PSD4: variants seen among roughly 807,000 people sequenced by gnomAD.
PSD4 encodes pleckstrin and Sec7 domain containing 4, also known as PH and SEC7 domain-containing protein 4.
A neutral mutation model predicts 112.5 loss-of-function variants in PSD4; 59 were observed. The observed-to-expected ratio is 0.52, with a 90% confidence interval of 0.43 to 0.65. The LOEUF (loss-of-function observed/expected upper bound fraction) is 0.65. Among genes scored for constraint, PSD4 ranks in the 30% least tolerant of loss-of-function variants. The pLI is 0.00. For synonymous variants in PSD4, 533 were observed against 540.0 expected (o/e 0.99, Z 0.18); for missense variants, 1,267 against 1,352.6 (o/e 0.94, Z 0.99).
At chr2:113,177,767 C>T (rs954750217) in intron 1 of PSD4, among the ~76,000 whole-genome samples, 13 of 152,078 alleles carry the variant, frequency 8.5e-5, no homozygotes, top group South Asian at 4.1e-4. Flanking sequence ...GACACAGTGG[C>T]GAACAGGAAA....
intron 1 of PSD4, among the ~76,000 whole-genome samples, chr2:113,178,380 G>A (rs1688033407): frequency 6.6e-6 from 1 of 151,534 alleles, no homozygotes; most frequent in African/African-American, 2.4e-5. Context: ...CCAGAGATCT[G>A]CTCTCTTCTC....
At position 113,206,770 on chromosome 2, in the gene PSD4, CCTT is replaced by C. The variant is rs900784315; in HGVS notation, c.*5356_*5358del. On this transcript the variant is annotated 3_prime_UTR_variant, in exon 17 of 17. Transcript: ENST00000245796. ...CTTACCCCACGTCTGCTCCCCTCCT[CCTT>C]TGGGCTCTGGCTTAGGCTCTGCCCT... is the stretch of plus-strand genomic sequence containing the variant. 2.0e-4 allele frequency: 30 copies of C among 152,280 alleles called. No individual in the cohort carries two copies. The highest frequency in any genetic ancestry group is 6.5e-4 in the African/African-American group (27 of 41,430). The allele number at this position is 152,280 out of a possible 1,614,324, so 9.4% of individuals were successfully genotyped here.
Position 113,183,498 on chromosome 2 carries a change from C to A in PSD4, c.1042C>A (p.His348Asn). The A allele has an allele frequency of 6.3e-7, 1 of 1,579,698 alleles. No individual in the cohort carries two copies. Among genetic ancestry groups the A allele is most frequent in the South Asian group, 1.2e-5 (1 of 84,578 alleles). Residue 348 changes from histidine (H) to asparagine (N), a missense_variant, in exon 2 of 17, where the codon CAC becomes AAC. By Grantham distance (68) the His-to-Asn change is moderately conservative. This residue lies in a region of PSD4 where 723 missense variants were observed against 704.0 expected (regional missense o/e 1.03). Coordinates refer to ENST00000245796, the MANE Select transcript of PSD4 (RefSeq NM_012455.3). ...GGGGGCTCCTGCAGCACCTCCTGGT[C>A]ACGGGGAGAGTGAGGTAAGCCCAGT... Reference protein sequence around the residue: ...AEGAPAAPPGHGESEGDRLGP... With the variant: ...AEGAPAAPPGNGESEGDRLGP...
In PSD4 at chr2:113,201,307, G is replaced by A. The variant is rs755443392; in HGVS notation, c.3063G>A (p.Pro1021=). The change falls in exon 17 of 17, where the codon CCG becomes CCA. Residue 1021 remains proline, a synonymous_variant. Coordinates refer to ENST00000245796, the MANE Select transcript of PSD4 (RefSeq NM_012455.3). ...GCCTGAAGAAGTCCCACTCGAGCCC[G>A]TCCCTGCACCAGGATGAGGCTCCCA... The part of the protein sequence containing the change: ...KLSLKKSHSS[P]SLHQDEAPTT... 23 of 1,614,050 alleles carry A rather than the reference G, an allele frequency of 1.4e-5. No homozygotes were observed. Among genetic ancestry groups the A allele is most frequent in the East Asian group, 2.2e-5 (1 of 44,900 alleles).
At chr2:113,176,913 G>A (rs1480993663) in intron 1 of PSD4, among the ~76,000 whole-genome samples, 4 of 152,172 alleles carry the variant, frequency 2.6e-5, no homozygotes, top group African/African-American at 9.7e-5. Context: ...CGGTAGGACT[G>A]CCTTTTTGGC....
At chr2:113,189,183 C>T (rs963847503) in intron 5 of PSD4, among the ~76,000 whole-genome samples, 1 of 152,064 alleles carries the variant, frequency 6.6e-6, no homozygotes, top group Non-Finnish European at 1.5e-5. Flanking sequence ...TCCTGAGTTA[C>T]TTCACTTAGA....
At position 113,186,182 on chromosome 2, in the gene PSD4, A is replaced by C; in HGVS notation, c.1555A>C (p.Lys519Gln). The change falls in exon 5 of 17, where the codon AAG becomes CAG. Residue 519 changes from lysine to glutamine, a missense_variant. By Grantham distance (53) the Lys-to-Gln change is moderately conservative. This residue lies in a region of PSD4 where 723 missense variants were observed against 704.0 expected (regional missense o/e 1.03). Transcript: ENST00000245796. ...GGCCCCAAAACCAGGCGAGGAAGTA[A>C]AGAGTGAAGGAACAGCCAGGCCTGC... ...GEAPKPGEEV[K>Q]SEGTARPAET... 6.2e-7 allele frequency: 1 copy of C among 1,614,052 alleles called. No homozygotes were observed. Among genetic ancestry groups the C allele is most frequent in the Non-Finnish European group, 8.5e-7 (1 of 1,180,002 alleles).
chr2:113,196,225 G>T lies in PSD4; in HGVS notation c.2304G>T (p.Gln768His), dbSNP rs780174408. Reference sequence around the variant, plus strand: ...GCAAGATGAGCAAGCCCTTCCTTCAGCTGGCTCAGGATCCCACAGTGCCCA... The same window carrying T: ...GCAAGATGAGCAAGCCCTTCCTTCATCTGGCTCAGGATCCCACAGTGCCCA... ...PAGKMSKPFL[Q>H]LAQDPTVPTY... is the part of the protein sequence containing the mutation. Residue 768 changes from glutamine (Q) to histidine (H), a missense_variant, in exon 12 of 17, where the codon CAG becomes CAT. Coordinates refer to ENST00000245796, the MANE Select transcript of PSD4 (RefSeq NM_012455.3). 4.3e-6 allele frequency: 7 copies of T among 1,614,032 alleles called. No individual in the cohort carries two copies. In the South Asian group the frequency reaches 6.6e-5, roughly 15 times the overall value.
chr2:113,185,557 G>A, intron 4 of PSD4, 117 bp downstream of exon 4: 1 of 1,584,194 alleles, frequency 6.3e-7, no homozygotes, highest in Non-Finnish European at 8.6e-7. Flanking sequence ...ATTATATTGT[G>A]TTTAAGCCAG....
intron 12 of PSD4, chr2:113,197,084 T>G: frequency 9.5e-6 from 2 of 211,274 alleles, no homozygotes; most frequent in South Asian, 6.6e-5. Flanking sequence ...GGTGGAGAGG[T>G]AGGGGGAAAA....
Position 113,185,440 on chromosome 2 carries a change from G to A in PSD4, c.1249G>A (p.Asp417Asn). ...GGTGACTCTTAACTCCCAGGACAGA[G>A]GTGAGCCCTAATAAGGGGGTTTGGG... ...PQVTLNSQDRDEREGGHPQES... is the reference protein window; with the variant it reads ...PQVTLNSQDRNEREGGHPQES... The change falls in exon 4 of 17, where the codon GAT (aspartate) becomes AAT (asparagine). Residue 417 changes from aspartate to asparagine, a missense_variant and splice_region_variant. Physicochemically the swap from Asp to Asn is conservative, Grantham distance 23 (BLOSUM62 1). This residue lies in a region of PSD4 where 723 missense variants were observed against 704.0 expected (regional missense o/e 1.03). Transcript: ENST00000245796. 1.2e-6 allele frequency: 2 copies of A among 1,614,202 alleles called. No homozygotes were observed. The highest frequency in any genetic ancestry group is 8.5e-7 in the Non-Finnish European group (1 of 1,180,044).
Position 113,203,988 on chromosome 2 carries a change from G to A in PSD4, c.*2573G>A, listed in dbSNP as rs2104512930. 6.6e-6 allele frequency: 1 copy of A among 152,390 alleles called. No homozygotes were observed. The highest frequency in any genetic ancestry group is 2.4e-5 in the African/African-American group (1 of 41,582). The allele number at this position is 152,390 out of a possible 1,614,324, so 9.4% of individuals were successfully genotyped here. A position where few individuals can be genotyped will look rare whatever the true frequency, so the allele number is the denominator to read the frequency against. ...TTCACCTGAGCACGTGGAATCTTCA[G>A]AGCCAGATGATGGTGGCTGCCTGGC... On this transcript the variant is annotated 3_prime_UTR_variant, in exon 17 of 17. Transcript: ENST00000245796.
At chr2:113,199,340 G>T in intron 16 of PSD4, 114 bp downstream of exon 16, 1 of 1,240,072 alleles carries the variant, frequency 8.1e-7, no homozygotes, top group Non-Finnish European at 1.0e-6. Flanking sequence ...GGGGAGAGGC[G>T]CTTGCGTGCG....
Position 113,193,138 on chromosome 2 carries a change from T to C in PSD4, c.1919+10T>C, listed in dbSNP as rs773886508. On this transcript the variant is annotated intron_variant, in intron 7 of 16. Coordinates refer to ENST00000245796, the MANE Select transcript of PSD4 (RefSeq NM_012455.3). ...TGGACCGAGCCCTCCGGTAATGTCT[T>C]TGGGCCCTCTCTGGGGAGGCTGTGG... The C allele has an allele frequency of 5.6e-6, 9 of 1,612,808 alleles. No individual in the cohort carries two copies. The Admixed American group carries it at 1.5e-4, about 27-fold the overall frequency.
In PSD4 at chr2:113,199,066, C is replaced by A; in HGVS notation, c.2770-17C>A. On this transcript the variant is annotated splice_polypyrimidine_tract_variant and intron_variant, in intron 15 of 16. Coordinates refer to ENST00000245796, the MANE Select transcript of PSD4 (RefSeq NM_012455.3). ...GGGACGCCCGGGACAGCGCCCCTCA[C>A]CGCCCGCTGCTCGCAGGAGGAGCAG... 6.6e-7 allele frequency: 1 copy of A among 1,521,198 alleles called. No individual in the cohort carries two copies. The highest frequency in any genetic ancestry group is 1.2e-5 in the South Asian group (1 of 82,090). The allele number at this position is 1,521,198 out of a possible 1,614,324, so 94.2% of individuals were successfully genotyped here. A position where few individuals can be genotyped will look rare whatever the true frequency, so the allele number is the denominator to read the frequency against.
Position 113,192,723 on chromosome 2 carries a change from T to C in PSD4, c.1838+134T>C, listed in dbSNP as rs542210744. 1.0e-3 allele frequency: 914 copies of C among 911,450 alleles called. 5 individuals carry two copies. The highest frequency in any genetic ancestry group is 8.1e-3 in the South Asian group (482 of 59,604). The allele number at this position is 911,450 out of a possible 1,614,324, so 56.5% of individuals were successfully genotyped here. ...CCTTCCCATCTCCCCTCCTAACTTTTCCCCCATACCCTCACTGTATCTGCT... is the reference window on the plus strand; with the variant it reads ...CCTTCCCATCTCCCCTCCTAACTTTCCCCCCATACCCTCACTGTATCTGCT... On this transcript the variant is annotated intron_variant, in intron 6 of 16. Coordinates refer to ENST00000245796, the MANE Select transcript of PSD4 (RefSeq NM_012455.3).
chr2:113,199,317 A>G, intron 16 of PSD4, 91 bp downstream of exon 16: 1 of 1,281,436 alleles, frequency 7.8e-7, no homozygotes, highest in Non-Finnish European at 9.9e-7. Context: ...CACTGCCCTG[A>G]CCGCGCCGGG....
At chr2:113,180,249 C>T (rs1688091773) in intron 1 of PSD4, among the ~76,000 whole-genome samples, 1 of 152,308 alleles carries the variant, frequency 6.6e-6, no homozygotes, top group African/African-American at 2.4e-5. Flanking sequence ...CTCCGTTAAC[C>T]CTAGCTCCCC....
At position 113,182,906 on chromosome 2, in the gene PSD4, G is replaced by C; in HGVS notation, c.450G>C (p.Thr150=). 1 of 1,614,222 alleles carries C rather than the reference G, an allele frequency of 6.2e-7. No individual in the cohort carries two copies. ...GGAGCCCAAAGCAGAACCGGAGCACGTCCACACAGGTAGTGTTCTGGGCAG... is the reference window on the plus strand; with the variant it reads ...GGAGCCCAAAGCAGAACCGGAGCACCTCCACACAGGTAGTGTTCTGGGCAG... The part of the protein sequence containing the change: ...LPGSPKQNRS[T]STQVVFWAGI... The change falls in exon 2 of 17, where the codon ACG becomes ACC. Residue 150 remains threonine, a synonymous_variant. Transcript: ENST00000245796.
Sources: gnomAD v4.1 joint callset for allele counts (sites outside exome capture counted in the v4.1 genomes callset) on GRCh38, gnomAD v4.1.1 for gene constraint, gnomAD v4.1.1 regional missense constraint, MANE v1.5 for transcripts, NCBI Gene and HGNC (gene_info 2026-07-23, HGNC 2026-07-21) for gene names.